Variants in PRDM2 observed in about 807,000 individuals in gnomAD.
PRDM2 encodes the protein PR domain zinc finger protein 2.
In PRDM2, 30 loss-of-function variants were observed where a neutral mutation model predicts 130.0. That is an observed-to-expected ratio of 0.23 (90% CI 0.17 to 0.31). The LOEUF (loss-of-function observed/expected upper bound fraction) is 0.31. Ranked by LOEUF, PRDM2 falls within the 10% of genes least tolerant of loss-of-function variation. The pLI is 1.00. For synonymous variants in PRDM2, 871 were observed against 782.4 expected (o/e 1.11, Z -1.89); for missense variants, 2,011 against 2,108.4 (o/e 0.95, Z 0.90).
Position 13,773,018 on chromosome 1 carries a change from T to A in PRDM2, c.512-60T>A. ...TAATTCAGAATAACACATGAGGGAA[T>A]GAATGAATGAATAAATAAAAAAAAA... is the stretch of plus-strand genomic sequence containing the variant. On this transcript the variant is annotated intron_variant, in intron 6 of 9. Transcript: ENST00000311066. The A allele has an allele frequency of 4.4e-6, 4 of 912,494 alleles. No homozygotes were observed. In the South Asian group the frequency reaches 5.8e-5, roughly 13 times the overall value. 56.5% of individuals were successfully genotyped at this position (912,494 alleles called of 1,614,324 possible). A position where few individuals can be genotyped will look rare whatever the true frequency, so the allele number is the denominator to read the frequency against.
chr1:13,725,539 G>C (rs1642884573), intron 2 of PRDM2, among the ~76,000 whole-genome samples: 1 of 152,152 alleles, frequency 6.6e-6, no homozygotes, highest in Admixed American at 6.5e-5. Context: ...GCCTTTTCTA[G>C]CAGTAACATC....
At chr1:13,752,678 G>C (rs1184143347) in intron 6 of PRDM2, among the ~76,000 whole-genome samples, 1 of 152,126 alleles carries the variant, frequency 6.6e-6, no homozygotes, top group Admixed American at 6.5e-5. Context: ...TGCTCTCTCA[G>C]TTACATAAGA....
intron 5 of PRDM2, among the ~76,000 whole-genome samples, chr1:13,746,528 TTTTATTTA>T (rs34775135): frequency 0.12 from 17,844 of 146,430 alleles, 1,251 homozygotes; most frequent in Admixed American, 0.23. Context: ...TACTACTTGT[TTTTATTTA>T]TTTATTTATT....
rs975911467 is a variant in PRDM2, at chr1:13,816,420, T to C, written c.5037-7T>C. 1.2e-6 allele frequency: 2 copies of C among 1,613,938 alleles called. No homozygotes were observed. Among genetic ancestry groups the C allele is most frequent in the Non-Finnish European group, 1.7e-6 (2 of 1,179,996 alleles). ...TGACAATGTGTGTTGTTCCTCTTCC[T>C]GCACAGCTACAGCCTCCGCTTGGCG... is the stretch of plus-strand genomic sequence containing the variant. On this transcript the variant is annotated splice_region_variant and splice_polypyrimidine_tract_variant and intron_variant, in intron 8 of 9. Coordinates refer to ENST00000311066, the MANE Select transcript of PRDM2 (RefSeq NM_001393986.1).
rs1346827037 is a variant in PRDM2, at chr1:13,779,334, A to G, written c.1539A>G (p.Lys513=). The change falls in exon 8 of 10, where the codon AAA becomes AAG. Residue 513 remains lysine (K), a synonymous_variant. Transcript: ENST00000311066. This position sits in a 1 kb window ranked among gnomAD's most constrained non-coding sequence, Gnocchi z 4.9. The part of the protein sequence containing the change: ...RRVHERHLIP[K]GVRRKGGLEE... Reference sequence around the variant, plus strand: ...TTCACGAACGTCATCTGATTCCCAAAGGTGTACGGCGAAAAGGAGGCCTTG... The same window carrying G: ...TTCACGAACGTCATCTGATTCCCAAGGGTGTACGGCGAAAAGGAGGCCTTG... The G allele has an allele frequency of 1.2e-6, 2 of 1,614,196 alleles. No homozygotes were observed. Among genetic ancestry groups the G allele is most frequent in the Non-Finnish European group, 1.7e-6 (2 of 1,180,016 alleles).
chr1:13,819,083 G>A (rs1031576299), intron 9 of PRDM2, among the ~76,000 whole-genome samples: 4 of 152,134 alleles, frequency 2.6e-5, no homozygotes, highest in African/African-American at 7.2e-5. Context: ...TCCTCCTTGC[G>A]GCCAAGGCTG....
intron 6 of PRDM2, among the ~76,000 whole-genome samples, chr1:13,764,213 A>T (rs1269303696): frequency 6.6e-6 from 1 of 151,552 alleles, no homozygotes; most frequent in East Asian, 1.9e-4. Flanking sequence ...CCTCTACAAC[A>T]CCTCCCACTT....
intron 8 of PRDM2, chr1:13,786,604 A>G: frequency 6.3e-7 from 1 of 1,591,528 alleles, no homozygotes; most frequent in Non-Finnish European, 8.5e-7. Context: ...CACTACGGCA[A>G]AGGATACGAA....
intron 2 of PRDM2, chr1:13,722,807 A>G (rs1444944621): frequency 1.9e-6 from 1 of 515,502 alleles, no homozygotes; most frequent in Admixed American, 2.0e-5. Context: ...CCAGCAGACC[A>G]ATGACTAGAT....
At position 13,806,914 on chromosome 1, in the gene PRDM2, C is replaced by T. The variant is rs192530878; in HGVS notation, c.5037-9513C>T. 9.7e-4 allele frequency among the ~76,000 whole-genome samples: 148 copies of T among 152,252 alleles called. 2 individuals carry two copies. The South Asian group carries it at 0.012, about 12-fold the overall frequency. ...CACTTCCTGTCCCCACTTCCTGGAACGCACAAGGCGTAGTATCCGGACCGA... is the reference window on the plus strand; with the variant it reads ...CACTTCCTGTCCCCACTTCCTGGAATGCACAAGGCGTAGTATCCGGACCGA... On this transcript the variant is annotated intron_variant, in intron 8 of 9. Coordinates refer to ENST00000311066, the MANE Select transcript of PRDM2 (RefSeq NM_001393986.1). This position sits in a 1 kb window ranked among gnomAD's most constrained non-coding sequence, Gnocchi z 4.1.
chr1:13,752,912 G>C (rs1350808752), intron 6 of PRDM2, among the ~76,000 whole-genome samples: 1 of 152,240 alleles, frequency 6.6e-6, no homozygotes, highest in Non-Finnish European at 1.5e-5. Flanking sequence ...TCAAGAGCAA[G>C]TGAGATAATA....
intron 8 of PRDM2, among the ~76,000 whole-genome samples, chr1:13,796,225 C>T (rs1367287236): frequency 3.3e-5 from 5 of 152,194 alleles, no homozygotes; most frequent in African/African-American, 7.2e-5. Flanking sequence ...TTGAGAAGAG[C>T]GTACTCCTCA....
intron 4 of PRDM2, among the ~76,000 whole-genome samples, chr1:13,736,970 T>G (rs1643291625): frequency 6.6e-6 from 1 of 152,254 alleles, no homozygotes; most frequent in Admixed American, 6.5e-5. Flanking sequence ...AATGTAATTT[T>G]TAAAAGATAT....
Position 13,779,394 on chromosome 1 carries a change from C to G in PRDM2, c.1599C>G (p.Ala533=). 6.2e-7 allele frequency: 1 copy of G among 1,614,108 alleles called. No individual in the cohort carries two copies. The highest frequency in any genetic ancestry group is 1.1e-5 in the South Asian group (1 of 91,078). Residue 533 remains alanine (A), a synonymous_variant, in exon 8 of 10, where the codon GCC becomes GCG. Coordinates refer to ENST00000311066, the MANE Select transcript of PRDM2 (RefSeq NM_001393986.1). The surrounding 1 kb of genome is among the most constrained non-coding windows in gnomAD (Gnocchi z 4.9). ...AGCCTCCAGCAGAACAGGCCCAGGC[C>G]ACCCAGAACGTGTATGTACCAAGCA... ...EPQPPAEQAQ[A]TQNVYVPSTE...
intron 8 of PRDM2, among the ~76,000 whole-genome samples, chr1:13,792,357 A>G (rs1476124742): frequency 6.6e-6 from 1 of 152,218 alleles, no homozygotes; most frequent in Non-Finnish European, 1.5e-5. Flanking sequence ...TTTAACTTAA[A>G]AACAATTTCA....
intron 7 of PRDM2, among the ~76,000 whole-genome samples, chr1:13,776,171 G>C (rs756158050): frequency 2.0e-4 from 31 of 152,020 alleles, no homozygotes; most frequent in Non-Finnish European, 3.4e-4. Context: ...CTTCCTGCTT[G>C]TGTGTGGCTT....
chr1:13,787,796 A>G (rs1417507848), intron 8 of PRDM2: 1 of 980,708 alleles, frequency 1.0e-6, no homozygotes, highest in Non-Finnish European at 1.2e-6. Context: ...GGAGAGTGCT[A>G]TAAAAGACTA....
intron 8 of PRDM2, among the ~76,000 whole-genome samples, chr1:13,810,098 C>G (rs1645146676): frequency 6.6e-6 from 1 of 152,156 alleles, no homozygotes; most frequent in Non-Finnish European, 1.5e-5. Flanking sequence ...AATACAATCA[C>G]ATTGGGGGTT....
At chr1:13,743,170 C>T (rs1253827494) in intron 5 of PRDM2, among the ~76,000 whole-genome samples, 11 of 152,070 alleles carry the variant, frequency 7.2e-5, no homozygotes, top group South Asian at 4.1e-4. Flanking sequence ...GAGGCCAAGG[C>T]GGGCGGATCA....
Sources: allele counts gnomAD v4.1 joint callset (sites outside exome capture counted in the v4.1 genomes callset), GRCh38; gene constraint gnomAD v4.1.1; non-coding constraint Gnocchi (gnomAD v3.1); transcripts MANE v1.5; gene names NCBI Gene and HGNC (gene_info 2026-07-23, HGNC 2026-07-21).